EPS15L1: variants seen among roughly 807,000 people sequenced by gnomAD.
EPS15L1 encodes the protein epidermal growth factor receptor substrate 15-like 1.
Under a neutral mutation model 117.1 loss-of-function variants are expected in EPS15L1, and 43 were observed. The observed-to-expected ratio is 0.37, with a 90% CI of 0.29 to 0.47. The LOEUF (loss-of-function observed/expected upper bound fraction) is 0.47, where lower values mean the gene tolerates loss of function less well. EPS15L1 is among the 20% of genes least tolerant of loss of function. EPS15L1 has a pLI of 0.99. For synonymous variants in EPS15L1, 459 were observed against 470.5 expected, an observed-to-expected ratio of 0.98 and a Z score of 0.32; for missense variants, 981 against 1,164.0, an observed-to-expected ratio of 0.84 and a Z score of 2.29.
intron 4 of EPS15L1, among the ~76,000 whole-genome samples, chr19:16,438,759 T>C (rs953027311): frequency 1.3e-5 from 2 of 152,194 alleles, no homozygotes; most frequent in African/African-American, 4.8e-5. Context: ...CTCAAATTCC[T>C]GTCCTCCTGC....
chr19:16,406,493 G>A (rs1251208935), intron 13 of EPS15L1, among the ~76,000 whole-genome samples: 1 of 152,226 alleles, frequency 6.6e-6, no homozygotes, highest in African/African-American at 2.4e-5. Flanking sequence ...AATGCTCCGA[G>A]CGATGCTCCC....
intron 4 of EPS15L1, among the ~76,000 whole-genome samples, chr19:16,440,441 A>T (rs920807778): frequency 6.6e-6 from 1 of 152,066 alleles, no homozygotes; most frequent in African/African-American, 2.4e-5. Flanking sequence ...TCAAAAAAAT[A>T]AAAAATAACA....
intron 21 of EPS15L1, among the ~76,000 whole-genome samples, chr19:16,377,463 G>A (rs1325477396): frequency 6.6e-6 from 1 of 152,152 alleles, no homozygotes; most frequent in Non-Finnish European, 1.5e-5. Context: ...GCCTGTGGGT[G>A]ATGAGCTGCC....
intron 16 of EPS15L1, chr19:16,401,136 A>G (rs2144820421): frequency 1.0e-6 from 1 of 985,440 alleles, no homozygotes; most frequent in South Asian, 4.7e-5. Flanking sequence ...GGGGGCGGCT[A>G]TGGAAACCAC....
At position 16,370,866 on chromosome 19, in the gene EPS15L1, G is replaced by A. The variant is rs1403600621; in HGVS notation, c.2380+6256C>T. On this transcript the variant is annotated intron_variant, in intron 22 of 23. Transcript: ENST00000455140. This position sits in a 1 kb window ranked among gnomAD's most constrained non-coding sequence, Gnocchi z 5.2. ...ACACAGCAGTGCTGGGGGATGGGGG[G>A]CGTGGGCAGGAAAGAGGGACTCCAC... Among the ~76,000 whole-genome samples the A allele has an allele frequency of 6.6e-6, 1 of 152,170 alleles. No homozygotes were observed. Among genetic ancestry groups the A allele is most frequent in the Admixed American group, 6.5e-5 (1 of 15,286 alleles).
rs985763266 is a variant in EPS15L1, at chr19:16,365,505, G to C, written c.2381-3521C>G. 2.0e-5 allele frequency among the ~76,000 whole-genome samples: 3 copies of C among 152,202 alleles called. No individual in the cohort carries two copies. Among genetic ancestry groups the C allele is most frequent in the Non-Finnish European group, 4.4e-5 (3 of 68,028 alleles). ...CTTGATCTTGGACTTTGAGCCTCTA[G>C]AACTGCGGGACAATCCATGTCTGCT... On this transcript the variant is annotated intron_variant, in intron 22 of 23. Transcript: ENST00000455140. This position sits in a 1 kb window ranked among gnomAD's most constrained non-coding sequence, Gnocchi z 4.9.
chr19:16,361,717 A>G (rs967789299), intron 23 of EPS15L1, 62 bp downstream of exon 23: 3 of 1,530,754 alleles, frequency 2.0e-6, no homozygotes, highest in African/African-American at 1.4e-5. Context: ...GGAGACAAAA[A>G]TCCCAGGGAA....
chr19:16,405,801 A>C lies in EPS15L1; in HGVS notation c.1267-1052T>G, dbSNP rs1477673698. 6.6e-6 allele frequency among the ~76,000 whole-genome samples: 1 copy of C among 152,242 alleles called. No homozygotes were observed. The highest frequency in any genetic ancestry group is 1.5e-5 in the Non-Finnish European group (1 of 68,030). On this transcript the variant is annotated intron_variant, in intron 13 of 23. Transcript: ENST00000455140. The surrounding 1 kb of genome is among the most constrained non-coding windows in gnomAD (Gnocchi z 4.0). The stretch of plus-strand genomic sequence containing the variant: ...TCCGGGGATGGGGACACCCAAGAAG[A>C]GGGCAGAGGCTTCTCACCTCCTGAT...
chr19:16,457,640 C>G (rs12459106), intron 1 of EPS15L1, among the ~76,000 whole-genome samples: 4,027 of 152,136 alleles, frequency 0.026, 134 homozygotes, highest in Admixed American at 0.09. Context: ...GAATGGCGCC[C>G]GGGCAGGAGG....
intron 1 of EPS15L1, among the ~76,000 whole-genome samples, chr19:16,467,120 A>G (rs1271430532): frequency 1.3e-5 from 2 of 151,276 alleles, no homozygotes; most frequent in African/African-American, 2.4e-5. Flanking sequence ...AGCAGGCACC[A>G]CTGCACCTGA....
intron 16 of EPS15L1, among the ~76,000 whole-genome samples, chr19:16,397,943 A>G (rs1221189497): frequency 1.3e-5 from 2 of 152,226 alleles, no homozygotes; most frequent in Non-Finnish European, 2.9e-5. Context: ...AATTTGGCAG[A>G]CACACTGGCA....
chr19:16,384,884 G>A (rs927553796), intron 21 of EPS15L1, among the ~76,000 whole-genome samples: 1 of 152,176 alleles, frequency 6.6e-6, no homozygotes, highest in Non-Finnish European at 1.5e-5. Flanking sequence ...CCTGATGGTC[G>A]TCAGACACCA....
At chr19:16,459,855 C>T (rs2093231931) in intron 1 of EPS15L1, among the ~76,000 whole-genome samples, 1 of 152,188 alleles carries the variant, frequency 6.6e-6, no homozygotes, top group African/African-American at 2.4e-5. Context: ...TCCTTATAGC[C>T]TGCCCTGCCA....
At chr19:16,410,337 C>G (rs1012886345) in intron 13 of EPS15L1, among the ~76,000 whole-genome samples, 2 of 152,138 alleles carry the variant, frequency 1.3e-5, no homozygotes, top group African/African-American at 4.8e-5. Flanking sequence ...CCCACCACGA[C>G]GGCTAGAAGG....
At chr19:16,433,300 G>T (rs981952366) in intron 7 of EPS15L1, among the ~76,000 whole-genome samples, 1 of 151,230 alleles carries the variant, frequency 6.6e-6, no homozygotes, top group African/African-American at 2.4e-5. Flanking sequence ...GCTAATTTTT[G>T]TATTTTTTTT....
chr19:16,457,125 A>G (rs2093205208), intron 1 of EPS15L1, among the ~76,000 whole-genome samples: 1 of 152,182 alleles, frequency 6.6e-6, no homozygotes, highest in Non-Finnish European at 1.5e-5. Context: ...GCGACTCACA[A>G]TGCAGACACC....
At chr19:16,408,594 T>C (rs1292540766) in intron 13 of EPS15L1, among the ~76,000 whole-genome samples, 3 of 150,370 alleles carry the variant, frequency 2.0e-5, no homozygotes, top group Admixed American at 6.6e-5. Flanking sequence ...CAGGAGGTAG[T>C]GGTTGCAGTG....
chr19:16,396,608 A>C (rs1231956530), intron 16 of EPS15L1, among the ~76,000 whole-genome samples: 1 of 152,226 alleles, frequency 6.6e-6, no homozygotes, highest in African/African-American at 2.4e-5. Flanking sequence ...TTCTAAAATA[A>C]AAGTTCATTA....
intron 1 of EPS15L1, among the ~76,000 whole-genome samples, chr19:16,455,100 GC>G (rs1444207000): frequency 6.6e-6 from 1 of 151,798 alleles, no homozygotes; most frequent in Non-Finnish European, 1.5e-5. Context: ...TTGCACTCCA[GC>G]CTGGGCAACA....
Sources: allele counts gnomAD v4.1 joint callset (sites outside exome capture counted in the v4.1 genomes callset), GRCh38; gene constraint gnomAD v4.1.1; non-coding constraint Gnocchi (gnomAD v3.1); transcripts MANE v1.5; gene names NCBI Gene and HGNC (gene_info 2026-07-23, HGNC 2026-07-21).